PRDM4: variants seen among roughly 807,000 people sequenced by gnomAD.
PRDM4 encodes PR/SET domain 4.
PRDM4 carries 38 observed loss-of-function variants against 62.3 expected under a neutral mutation model. The ratio of observed to expected loss-of-function variants is 0.61; its 90% CI spans 0.47 to 0.80. The LOEUF is 0.80. PRDM4 is among the 30% of genes least tolerant of loss of function. The pLI is 0.00. For synonymous variants in PRDM4, 339 were observed against 348.2 expected (o/e 0.97, Z 0.30); for missense variants, 858 against 997.1 (o/e 0.86, Z 1.88).
At chr12:107,753,000 A>C (rs1890945107) in intron 4 of PRDM4, among the ~76,000 whole-genome samples, 1 of 152,232 alleles carries the variant, frequency 6.6e-6, no homozygotes, top group African/African-American at 2.4e-5. Context: ...AAAACCACGT[A>C]GCAGCAAAGG....
intron 3 of PRDM4, 123 bp downstream of exon 3, chr12:107,756,709 G>A: frequency 8.5e-7 from 1 of 1,171,982 alleles, no homozygotes; most frequent in Non-Finnish European, 1.2e-6. Context: ...CCACCATTCA[G>A]GCCTGCTTAC....
intron 11 of PRDM4, among the ~76,000 whole-genome samples, chr12:107,737,737 C>T (rs1890380539): frequency 6.6e-6 from 1 of 152,218 alleles, no homozygotes; most frequent in African/African-American, 2.4e-5. Context: ...AGAGCTCTAA[C>T]TCTGACCAAT....
In PRDM4 at chr12:107,753,987, A is replaced by T. The variant is rs777356263; in HGVS notation, c.268T>A (p.Tyr90Asn). The change falls in exon 4 of 12, where the codon TAC (tyrosine) becomes AAC (asparagine). Residue 90 changes from tyrosine to asparagine, a missense_variant. Tyr to Asn is a moderately radical substitution (Grantham distance 143). This residue lies in a region of PRDM4 where 499 missense variants were observed against 546.7 expected (regional missense o/e 0.91). Coordinates refer to ENST00000228437, the MANE Select transcript of PRDM4 (RefSeq NM_012406.4). ...GVMCGLPERN[Y>N]TLPPPPYPHL... Reference sequence around the variant, plus strand: ...GGGTAAGGTGGTGGAGGTAGGGTGTAGTTTCTTTCAGGTAACCCACACATC... The same window carrying T: ...GGGTAAGGTGGTGGAGGTAGGGTGTTGTTTCTTTCAGGTAACCCACACATC... The T allele has an allele frequency of 5.0e-6, 8 of 1,614,008 alleles. No individual in the cohort carries two copies. The highest frequency in any genetic ancestry group is 6.8e-6 in the Non-Finnish European group (8 of 1,180,000).
intron 3 of PRDM4, 54 bp downstream of exon 3, chr12:107,756,776 TAG>T: frequency 1.9e-6 from 3 of 1,598,962 alleles, no homozygotes; most frequent in Non-Finnish European, 2.6e-6. Flanking sequence ...AGACTCCATT[TAG>T]AATTGATAAC....
At chr12:107,753,842 T>G in intron 4 of PRDM4, 82 bp downstream of exon 4, 3 of 1,303,260 alleles carry the variant, frequency 2.3e-6, no homozygotes, top group Non-Finnish European at 3.2e-6. Flanking sequence ...CAGAAAAAAG[T>G]GTTATTCATA....
At chr12:107,753,206 T>C (rs1177541695) in intron 4 of PRDM4, among the ~76,000 whole-genome samples, 1 of 151,210 alleles carries the variant, frequency 6.6e-6, no homozygotes, top group Non-Finnish European at 1.5e-5. Flanking sequence ...ACCCCATCTC[T>C]TTTTTTAAAA....
Position 107,743,241 on chromosome 12 carries a change from A to G in PRDM4, c.1437T>C (p.Thr479=). 8 of 1,613,624 alleles carry G rather than the reference A, an allele frequency of 5.0e-6. No individual in the cohort carries two copies. Among genetic ancestry groups the G allele is most frequent in the Non-Finnish European group, 6.8e-6 (8 of 1,179,558 alleles). The change falls in exon 8 of 12, where the codon ACT becomes ACC. Residue 479 remains threonine, a synonymous_variant. Coordinates refer to ENST00000228437, the MANE Select transcript of PRDM4 (RefSeq NM_012406.4). ...TCATCCAATTACATTCATTTTCATC[A>G]GTTGTAATGATGCAGAATTCTAGGA... The part of the protein sequence containing the change: ...NGVLEFCIIT[T]DENECNWMMF...
chr12:107,743,269 C>A lies in PRDM4; in HGVS notation c.1409G>T (p.Gly470Val). The change falls in exon 8 of 12, where the codon GGT becomes GTT. Residue 470 changes from glycine (G) to valine (V), a missense_variant. Gly to Val is a moderately radical substitution (Grantham distance 109). Transcript: ENST00000228437. ...VNHIWKIYHN[G>V]VLEFCIITTD... ...TGTAATGATGCAGAATTCTAGGACACCATTGTGGTATATCTGCCAACAGAA... is the reference window on the plus strand; with the variant it reads ...TGTAATGATGCAGAATTCTAGGACAACATTGTGGTATATCTGCCAACAGAA... 6.2e-7 allele frequency: 1 copy of A among 1,611,850 alleles called. No homozygotes were observed. The highest frequency in any genetic ancestry group is 8.5e-7 in the Non-Finnish European group (1 of 1,178,050).
At chr12:107,760,443 G>A in intron 2 of PRDM4, 62 bp downstream of exon 2, 1 of 1,605,902 alleles carries the variant, frequency 6.2e-7, no homozygotes, top group African/African-American at 1.3e-5. Context: ...ACTGACCCTG[G>A]ACACTCACTC....
At chr12:107,753,313 C>A (rs1303968290) in intron 4 of PRDM4, among the ~76,000 whole-genome samples, 1 of 151,506 alleles carries the variant, frequency 6.6e-6, no homozygotes. Context: ...GAGAGAATCA[C>A]TGGAGTCCAG....
chr12:107,757,911 T>C (rs77078460), intron 2 of PRDM4, among the ~76,000 whole-genome samples: 5 of 152,170 alleles, frequency 3.3e-5, no homozygotes, highest in African/African-American at 9.7e-5. Flanking sequence ...TCTTATATCA[T>C]AATTTAGAGA....
chr12:107,737,764 T>A (rs977925961), intron 11 of PRDM4, among the ~76,000 whole-genome samples: 1 of 152,208 alleles, frequency 6.6e-6, no homozygotes, highest in African/African-American at 2.4e-5. Flanking sequence ...AGAATTCCCA[T>A]GGATGGGGTC....
At position 107,742,222 on chromosome 12, in the gene PRDM4, A is replaced by C; in HGVS notation, c.1608T>G (p.Ile536Met). 6.2e-7 allele frequency: 1 copy of C among 1,612,550 alleles called. No homozygotes were observed. Among genetic ancestry groups the C allele is most frequent in the Non-Finnish European group, 8.5e-7 (1 of 1,179,168 alleles). ...FYYSRDYAQQ[I>M]GVPEHPDVHL... Reference sequence around the variant, plus strand: ...CATTATAAACACATATTAACTTACCAATCTGTTGAGCATAATCTCGGCTAT... The same window carrying C: ...CATTATAAACACATATTAACTTACCCATCTGTTGAGCATAATCTCGGCTAT... Residue 536 changes from isoleucine (I) to methionine (M), a missense_variant and splice_region_variant, in exon 9 of 12, where the codon ATT becomes ATG. Transcript: ENST00000228437.
In PRDM4 at chr12:107,733,012, G is replaced by C. The variant is rs999060411; in HGVS notation, c.*1198C>G. On this transcript the variant is annotated 3_prime_UTR_variant, in exon 12 of 12. Coordinates refer to ENST00000228437, the MANE Select transcript of PRDM4 (RefSeq NM_012406.4). Reference sequence around the variant, plus strand: ...CCCAGAGGTTGTGCCTTGAGCAGGAGAGCATGTTCCATCAATCCTGTCAAC... The same window carrying C: ...CCCAGAGGTTGTGCCTTGAGCAGGACAGCATGTTCCATCAATCCTGTCAAC... The C allele has an allele frequency of 6.6e-6, 1 of 152,642 alleles. No individual in the cohort carries two copies. The highest frequency in any genetic ancestry group is 1.5e-5 in the Non-Finnish European group (1 of 68,048). The allele number at this position is 152,642 out of a possible 1,614,324, so 9.5% of individuals were successfully genotyped here. A position where few individuals can be genotyped will look rare whatever the true frequency, so the allele number is the denominator to read the frequency against.
intron 5 of PRDM4, among the ~76,000 whole-genome samples, chr12:107,749,028 T>A (rs17306876): frequency 0.29 from 44,640 of 152,102 alleles, 8,219 homozygotes; most frequent in Middle Eastern, 0.43. Flanking sequence ...CTGGATTTTG[T>A]GGCACAGAAT....
At chr12:107,751,091 C>CCTGCCT (rs1890876053) in intron 5 of PRDM4, among the ~76,000 whole-genome samples, 1 of 152,158 alleles carries the variant, frequency 6.6e-6, no homozygotes, top group Non-Finnish European at 1.5e-5. Context: ...CAAGCAACCT[C>CCTGCCT]CTGCCTCTGC....
chr12:107,739,314 G>GC lies in PRDM4; in HGVS notation c.2093+68dup. ...CCAGGACTCCCCAGCCCTTCAATCA[G>GC]CAGGTGGGCTGCAGCCACACAAAGG... On this transcript the variant is annotated intron_variant, in intron 11 of 11. Coordinates refer to ENST00000228437, the MANE Select transcript of PRDM4 (RefSeq NM_012406.4). 3.3e-6 allele frequency: 5 copies of GC among 1,527,458 alleles called. No homozygotes were observed. The South Asian group carries it at 6.2e-5, about 19-fold the overall frequency. 94.6% of individuals were successfully genotyped at this position (1,527,458 alleles called of 1,614,324 possible). A position where few individuals can be genotyped will look rare whatever the true frequency, so the allele number is the denominator to read the frequency against.
chr12:107,742,619 T>C (rs1053066024), intron 8 of PRDM4: 1 of 410,432 alleles, frequency 2.4e-6, no homozygotes, highest in African/African-American at 2.1e-5. Flanking sequence ...ATGAAGTCTT[T>C]AAAAAACAGT....
chr12:107,760,390 A>T, intron 2 of PRDM4, 115 bp downstream of exon 2: 1 of 1,350,436 alleles, frequency 7.4e-7, no homozygotes, highest in Non-Finnish European at 1.0e-6. Context: ...TTTCCTTTGC[A>T]AATCACACCT....
Sources: gnomAD v4.1 joint callset for allele counts (sites outside exome capture counted in the v4.1 genomes callset) on GRCh38, gnomAD v4.1.1 for gene constraint, gnomAD v4.1.1 regional missense constraint, MANE v1.5 for transcripts, NCBI Gene and HGNC (gene_info 2026-07-23, HGNC 2026-07-21) for gene names.